The following PTPRS variants were observed in gnomAD, a reference collection of about 807,000 sequenced individuals.
The protein encoded by PTPRS is receptor-type tyrosine-protein phosphatase S.
Under a neutral mutation model 215.3 loss-of-function variants are expected in PTPRS, and 63 were observed. The observed-to-expected ratio is 0.29, with a 90% CI of 0.24 to 0.36. The LOEUF is 0.36. Ranked by LOEUF, PTPRS falls within the 10% of genes least tolerant of loss-of-function variation. The probability of loss-of-function intolerance (pLI) is 1.00; values close to 1 mark genes in which losing one functional copy is unlikely to be tolerated. For missense variants in PTPRS, 2,258 were observed against 2,825.8 expected (o/e 0.80, Z 4.56); for synonymous variants, 1,404 against 1,191.4 (o/e 1.18, Z -3.68).
chr19:5,244,072 C>T lies in PTPRS; in HGVS notation c.1399G>A (p.Glu467Lys), dbSNP rs1287571878. ...CAGTTGCCCACGGGGTGCTCCGGTT[C>T]CATGGTGTAGTAGACGCGGTAGCCG... The part of the protein sequence containing the change: ...IRGYRVYYTM[E>K]PEHPVGNWQK... The change falls in exon 11 of 38, where the codon GAA (glutamate) becomes AAA (lysine). Residue 467 changes from glutamate (E) to lysine (K), a missense_variant. This residue lies in a region of PTPRS where 508 missense variants were observed against 799.4 expected (regional missense o/e 0.64). Coordinates refer to ENST00000262963, the MANE Select transcript of PTPRS (RefSeq NM_002850.4). The surrounding 1 kb of genome is among the most constrained non-coding windows in gnomAD (Gnocchi z 7.2). The T allele has an allele frequency of 1.2e-6, 2 of 1,610,852 alleles. No individual in the cohort carries two copies. The highest frequency in any genetic ancestry group is 1.7e-6 in the Non-Finnish European group (2 of 1,179,848).
At position 5,309,406 on chromosome 19, in the gene PTPRS, C is replaced by T. The variant is rs116928121; in HGVS notation, c.-94-23172G>A. ...TCTAAGTGCTTGACGCATATTAACTCGTTTTGTTGTGCCAGTTATTTATCT... is the reference window on the plus strand; with the variant it reads ...TCTAAGTGCTTGACGCATATTAACTTGTTTTGTTGTGCCAGTTATTTATCT... On this transcript the variant is annotated intron_variant, in intron 1 of 37. Coordinates refer to ENST00000262963, the MANE Select transcript of PTPRS (RefSeq NM_002850.4). Among the ~76,000 whole-genome samples, 5 of 152,296 alleles carry T rather than the reference C, an allele frequency of 3.3e-5. No homozygotes were observed. In the South Asian group the frequency reaches 8.3e-4, roughly 25 times the overall value.
intron 1 of PTPRS, chr19:5,292,859 T>TG (rs1398425238): frequency 7.4e-6 from 1 of 134,254 alleles, no homozygotes; most frequent in Non-Finnish European, 1.6e-5. Flanking sequence ...GGAGAGGGGG[T>TG]GGGGGGAGGA....
rs551029674 is a variant in PTPRS, at chr19:5,306,013, A to G, written c.-94-19779T>C. Among the ~76,000 whole-genome samples, 52 of 149,780 alleles carry G rather than the reference A, an allele frequency of 3.5e-4. 1 individual carries two copies. The South Asian group carries it at 1.0e-2, about 29-fold the overall frequency. On this transcript the variant is annotated intron_variant, in intron 1 of 37. Coordinates refer to ENST00000262963, the MANE Select transcript of PTPRS (RefSeq NM_002850.4). Reference sequence around the variant, plus strand: ...CTGGAACAGAGAGAACCAGCAGCACAATAGGTACAAATACTTGAGGAAGGG... The same window carrying G: ...CTGGAACAGAGAGAACCAGCAGCACGATAGGTACAAATACTTGAGGAAGGG...
At chr19:5,333,696 T>C (rs555576344) in intron 1 of PTPRS, among the ~76,000 whole-genome samples, 4 of 152,082 alleles carry the variant, frequency 2.6e-5, no homozygotes, top group Admixed American at 6.6e-5. Flanking sequence ...TCTCCACTTA[T>C]GATAGAGGCA....
At chr19:5,280,853 G>A (rs1417143752) in intron 2 of PTPRS, among the ~76,000 whole-genome samples, 4 of 151,186 alleles carry the variant, frequency 2.6e-5, no homozygotes, top group Admixed American at 6.6e-5. Flanking sequence ...ATGCAGTGGC[G>A]TAATCTTGGC....
chr19:5,225,707 G>A lies in PTPRS; in HGVS notation c.2494+20C>T. Reference sequence around the variant, plus strand: ...GGGCAAAGGGGCTGTTGGTGGGTGGGAGGAGGGCGGGTTGCATACCTGCTC... The same window carrying A: ...GGGCAAAGGGGCTGTTGGTGGGTGGAAGGAGGGCGGGTTGCATACCTGCTC... On this transcript the variant is annotated intron_variant, in intron 17 of 37. Coordinates refer to ENST00000262963, the MANE Select transcript of PTPRS (RefSeq NM_002850.4). The A allele has an allele frequency of 1.3e-6, 2 of 1,599,324 alleles. No individual in the cohort carries two copies. The highest frequency in any genetic ancestry group is 1.7e-6 in the Non-Finnish European group (2 of 1,166,870).
At chr19:5,222,601 T>C in intron 18 of PTPRS, 88 bp downstream of exon 18, 5 of 1,305,442 alleles carry the variant, frequency 3.8e-6, no homozygotes, top group South Asian at 1.6e-5. Flanking sequence ...AGTGAGCACT[T>C]ACCTGGGCAG....
intron 1 of PTPRS, among the ~76,000 whole-genome samples, chr19:5,298,954 T>C (rs1403160155): frequency 3.9e-5 from 6 of 152,178 alleles, no homozygotes; most frequent in African/African-American, 1.4e-4. Flanking sequence ...GGAAATACTC[T>C]CACGTTTGTC....
chr19:5,229,065 T>G (rs1701333266), intron 16 of PTPRS, among the ~76,000 whole-genome samples: 1 of 152,204 alleles, frequency 6.6e-6, no homozygotes, highest in Admixed American at 6.5e-5. Context: ...GGGACGACCC[T>G]CAGGTCCTGT....
At chr19:5,222,649 G>A (rs920719868) in intron 18 of PTPRS, 40 bp downstream of exon 18, 6 of 1,482,586 alleles carry the variant, frequency 4.0e-6, no homozygotes, top group Non-Finnish European at 5.3e-6. Context: ...TGGGCGCAAG[G>A]CCCGGTCCGG....
Position 5,231,370 on chromosome 19 carries a change from G to T in PTPRS, c.2095C>A (p.His699Asn), listed in dbSNP as rs981031714. The T allele has an allele frequency of 6.2e-7, 1 of 1,612,880 alleles. No homozygotes were observed. Among genetic ancestry groups the T allele is most frequent in the Non-Finnish European group, 8.5e-7 (1 of 1,179,916 alleles). The change falls in exon 14 of 38, where the codon CAC becomes AAC. Residue 699 changes from histidine to asparagine, a missense_variant. By Grantham distance (68) the His-to-Asn change is moderately conservative. Coordinates refer to ENST00000262963, the MANE Select transcript of PTPRS (RefSeq NM_002850.4). ...TCGGGCCCTGGTCCCACCTCTGTGT[G>T]AGCGACAGTCGTGATGCGGTACTGG... ...WTQYRITTVA[H>N]TEVGPGPESS...
At chr19:5,255,271 A>G (rs2045461955) in intron 9 of PTPRS, among the ~76,000 whole-genome samples, 1 of 152,202 alleles carries the variant, frequency 6.6e-6, no homozygotes, top group Non-Finnish European at 1.5e-5. Context: ...ACCTCCTGCC[A>G]TCTGTCTGTG....
chr19:5,220,330 G>T lies in PTPRS; in HGVS notation c.3479C>A (p.Pro1160Gln). The change falls in exon 21 of 38, where the codon CCA (proline) becomes CAA (glutamine). Residue 1160 changes from proline to glutamine, a missense_variant. This residue lies in a region of PTPRS where 927 missense variants were observed against 1,125.9 expected (regional missense o/e 0.82). Coordinates refer to ENST00000262963, the MANE Select transcript of PTPRS (RefSeq NM_002850.4). ...PVQSYFIVMVPLRKSRGGQFL... is the reference protein window; with the variant it reads ...PVQSYFIVMVQLRKSRGGQFL... Reference sequence around the variant, plus strand: ...TTGGCCTCCACGAGACTTGCGCAGTGGCACCATCACAATGAAATAGCTCCT... The same window carrying T: ...TTGGCCTCCACGAGACTTGCGCAGTTGCACCATCACAATGAAATAGCTCCT... 2 of 1,613,892 alleles carry T rather than the reference G, an allele frequency of 1.2e-6. No homozygotes were observed. The highest frequency in any genetic ancestry group is 1.7e-6 in the Non-Finnish European group (2 of 1,179,950).
chr19:5,231,726 CAAACA>C (rs2043034947), intron 13 of PTPRS, 111 bp from the exon 14 acceptor site: 2 of 383,478 alleles, frequency 5.2e-6, no homozygotes, highest in African/African-American at 4.3e-5. Context: ...AAGATGATAA[CAAACA>C]AAACAGAACC....
At position 5,223,325 on chromosome 19, in the gene PTPRS, G is replaced by T; in HGVS notation, c.2495-28C>A. On this transcript the variant is annotated intron_variant, in intron 17 of 37. Coordinates refer to ENST00000262963, the MANE Select transcript of PTPRS (RefSeq NM_002850.4). ...GCGGGGATACGGGGCAGGTGTCAGGGTCCCAGCGCCATCCGCCAGCCCAGA... is the reference window on the plus strand; with the variant it reads ...GCGGGGATACGGGGCAGGTGTCAGGTTCCCAGCGCCATCCGCCAGCCCAGA... 4.2e-6 allele frequency: 6 copies of T among 1,432,848 alleles called. 1 individual carries two copies. The South Asian group carries it at 9.1e-5, about 22-fold the overall frequency. The allele number at this position is 1,432,848 out of a possible 1,614,324, so 88.8% of individuals were successfully genotyped here. A position where few individuals can be genotyped will look rare whatever the true frequency, so the allele number is the denominator to read the frequency against.
At position 5,229,696 on chromosome 19, in the gene PTPRS, G is replaced by T; in HGVS notation, c.2156-12C>A. ...CGGCGCGCTGGGCACTGGCGGGCGG[G>T]AGGGGAGGGGAGGGGCGGGCGGAGC... On this transcript the variant is annotated splice_polypyrimidine_tract_variant and intron_variant, in intron 14 of 37. Coordinates refer to ENST00000262963, the MANE Select transcript of PTPRS (RefSeq NM_002850.4). 3 of 1,177,320 alleles carry T rather than the reference G, an allele frequency of 2.5e-6. No homozygotes were observed. The highest frequency in any genetic ancestry group is 3.2e-6 in the Non-Finnish European group (3 of 936,736). The allele number at this position is 1,177,320 out of a possible 1,614,324, so 72.9% of individuals were successfully genotyped here.
chr19:5,211,082 G>T (rs961473518), intron 33 of PTPRS, among the ~76,000 whole-genome samples: 8 of 152,104 alleles, frequency 5.3e-5, no homozygotes, highest in Non-Finnish European at 8.8e-5. Flanking sequence ...CTCCTTCAAG[G>T]GCCACTGCCC....
chr19:5,279,555 G>A (rs1174049608), intron 2 of PTPRS, among the ~76,000 whole-genome samples: 1 of 152,022 alleles, frequency 6.6e-6, no homozygotes, highest in Non-Finnish European at 1.5e-5. Flanking sequence ...ATCTTTTGCA[G>A]AGACAGGGTC....
At chr19:5,229,724 T>C in intron 14 of PTPRS, 40 bp from the exon 15 acceptor site, 1 of 1,194,310 alleles carries the variant, frequency 8.4e-7, no homozygotes, top group Non-Finnish European at 1.1e-6. Flanking sequence ...GGCGGAGCCG[T>C]TACCAGGGCG....
Sources: gnomAD v4.1 joint callset for allele counts (sites outside exome capture counted in the v4.1 genomes callset) on GRCh38, gnomAD v4.1.1 for gene constraint, gnomAD v4.1.1 regional missense constraint, Gnocchi (gnomAD v3.1) non-coding constraint, MANE v1.5 for transcripts, NCBI Gene and HGNC (gene_info 2026-07-23, HGNC 2026-07-21) for gene names.